The following CNTN4 variants were observed in gnomAD, a reference collection of about 807,000 sequenced individuals.
The protein encoded by CNTN4 is contactin 4.
A neutral mutation model predicts 122.5 loss-of-function variants in CNTN4; 77 were observed. The observed-to-expected ratio is 0.63, with a 90% CI of 0.52 to 0.76. The LOEUF (loss-of-function observed/expected upper bound fraction) is 0.76. CNTN4 is among the 30% of genes least tolerant of loss of function. The pLI is 0.00. For missense variants in CNTN4, 1,256 were observed against 1,259.1 expected (o/e 1.00, Z 0.04); for synonymous variants, 512 against 447.0 (o/e 1.15, Z -1.83).
At chr3:2,509,301 A>G (rs1431610472) in intron 3 of CNTN4, among the ~76,000 whole-genome samples, 1 of 152,242 alleles carries the variant, frequency 6.6e-6, no homozygotes. Context: ...GCCTGATAAA[A>G]AATAACCAAC....
intron 4 of CNTN4, among the ~76,000 whole-genome samples, chr3:2,627,984 G>C (rs1433805721): frequency 6.6e-6 from 1 of 152,142 alleles, no homozygotes; most frequent in East Asian, 1.9e-4. Context: ...TTATCCTGGA[G>C]GTCACATTTT....
intron 3 of CNTN4, among the ~76,000 whole-genome samples, chr3:2,500,154 A>G (rs991962675): frequency 6.6e-6 from 1 of 152,068 alleles, no homozygotes; most frequent in African/African-American, 2.4e-5. Flanking sequence ...TGAATATTGG[A>G]CTTTAAAAGT....
chr3:2,706,967 A>G (rs571816118), intron 4 of CNTN4, among the ~76,000 whole-genome samples: 1 of 151,582 alleles, frequency 6.6e-6, no homozygotes, highest in South Asian at 2.1e-4. Context: ...GAAGCACTAG[A>G]TTATGTGTAT....
chr3:2,635,247 A>G (rs1454110796), intron 4 of CNTN4, among the ~76,000 whole-genome samples: 1 of 152,188 alleles, frequency 6.6e-6, no homozygotes, highest in Non-Finnish European at 1.5e-5. Flanking sequence ...CAATCTGACA[A>G]TCTCCAAAGA....
chr3:2,411,804 C>G (rs1054164967), intron 3 of CNTN4, among the ~76,000 whole-genome samples: 3 of 152,004 alleles, frequency 2.0e-5, no homozygotes, highest in African/African-American at 7.3e-5. Context: ...TGCTGTATTT[C>G]GAAGCATCGT....
intron 6 of CNTN4, among the ~76,000 whole-genome samples, chr3:2,763,515 AGTTGCAATTGCTTTT>A (rs2090694608): frequency 6.6e-6 from 1 of 152,048 alleles, no homozygotes; most frequent in Admixed American, 6.6e-5. Context: ...TTTTTGCTTT[AGTTGCAATTGCTTTT>A]GTTGTCTTTG....
chr3:2,688,960 T>C (rs1196084098), intron 4 of CNTN4, among the ~76,000 whole-genome samples: 3 of 152,160 alleles, frequency 2.0e-5, no homozygotes, highest in Non-Finnish European at 4.4e-5. Context: ...AGAGGTCTAA[T>C]GTAGCACCTG....
chr3:2,443,525 TGTAAC>T (rs1455838043), intron 3 of CNTN4, among the ~76,000 whole-genome samples: 3 of 152,228 alleles, frequency 2.0e-5, no homozygotes, highest in Admixed American at 6.5e-5. Flanking sequence ...GATGGCCTCT[TGTAAC>T]GTACATATTG....
rs544000598 is a variant in CNTN4, at chr3:2,703,460, C to G, written c.56-32755C>G. Reference sequence around the variant, plus strand: ...TTAGTTGGAGGGTATAATTATTATTCTTTTTTAACTTAAAATCAAATCTCA... The same window carrying G: ...TTAGTTGGAGGGTATAATTATTATTGTTTTTTAACTTAAAATCAAATCTCA... On this transcript the variant is annotated intron_variant, in intron 4 of 24. Transcript: ENST00000418658. Among the ~76,000 whole-genome samples the G allele has an allele frequency of 2.0e-5, 3 of 152,106 alleles. No homozygotes were observed. In the South Asian group the frequency reaches 6.2e-4, roughly 32 times the overall value.
At position 2,402,439 on chromosome 3, in the gene CNTN4, A is replaced by C. The variant is rs116598375; in HGVS notation, c.-89+63206A>C. 8.0e-3 allele frequency among the ~76,000 whole-genome samples: 1,225 copies of C among 152,206 alleles called. 10 individuals are homozygous for C. The highest frequency in any genetic ancestry group is 0.021 in the African/African-American group (875 of 41,528). On this transcript the variant is annotated intron_variant, in intron 3 of 24. Transcript: ENST00000418658. The stretch of plus-strand genomic sequence containing the variant: ...TATTATGAATTCATAGTAGTCGTAC[A>C]TATTAAAGGGGTACATGGGATATTT...
At chr3:2,919,210 G>C (rs1242298522) in intron 12 of CNTN4, among the ~76,000 whole-genome samples, 1 of 143,878 alleles carries the variant, frequency 7.0e-6, no homozygotes, top group East Asian at 2.0e-4. Flanking sequence ...AAAATTGCCA[G>C]GTGTGGTGGC....
chr3:2,827,840 T>A (rs1361173544), intron 7 of CNTN4, among the ~76,000 whole-genome samples: 1 of 152,220 alleles, frequency 6.6e-6, no homozygotes, highest in African/African-American at 2.4e-5. Flanking sequence ...TTAAAAATAC[T>A]GCTGAAATAA....
intron 3 of CNTN4, among the ~76,000 whole-genome samples, chr3:2,510,617 C>G (rs2076859084): frequency 6.6e-6 from 1 of 152,090 alleles, no homozygotes; most frequent in African/African-American, 2.4e-5. Context: ...CCCAGACTTG[C>G]TTAACTAAGG....
At chr3:2,445,475 T>C (rs529630947) in intron 3 of CNTN4, among the ~76,000 whole-genome samples, 1 of 152,304 alleles carries the variant, frequency 6.6e-6, no homozygotes, top group South Asian at 2.1e-4. Flanking sequence ...GTAGTCCTCT[T>C]TGAAAATATT....
At chr3:2,630,872 C>T (rs1004037984) in intron 4 of CNTN4, among the ~76,000 whole-genome samples, 3 of 152,116 alleles carry the variant, frequency 2.0e-5, no homozygotes, top group African/African-American at 7.2e-5. Flanking sequence ...TGGGTGAAGA[C>T]AGGCATTGTC....
rs376367165 is a variant in CNTN4, at chr3:2,152,992, C to T, written c.-145+52353C>T. On this transcript the variant is annotated intron_variant, in intron 2 of 24. Coordinates refer to ENST00000418658, the MANE Select transcript of CNTN4 (RefSeq NM_175607.3). ...GAAGGAGGGCTGCCCATGGAGCCTGCTTTAGATTACCAGACCCTACAGAAT... is the reference window on the plus strand; with the variant it reads ...GAAGGAGGGCTGCCCATGGAGCCTGTTTTAGATTACCAGACCCTACAGAAT... Among the ~76,000 whole-genome samples, 20 of 152,284 alleles carry T rather than the reference C, an allele frequency of 1.3e-4. No homozygotes were observed. In the East Asian group the frequency reaches 3.7e-3, roughly 28 times the overall value.
intron 3 of CNTN4, among the ~76,000 whole-genome samples, chr3:2,570,951 T>C (rs919125907): frequency 3.9e-5 from 6 of 152,142 alleles, no homozygotes; most frequent in Admixed American, 2.0e-4. Context: ...GTTAATGGGG[T>C]AGTCACCATT....
intron 2 of CNTN4, among the ~76,000 whole-genome samples, chr3:2,215,668 G>A (rs1322442671): frequency 6.6e-6 from 1 of 152,020 alleles, no homozygotes; most frequent in Non-Finnish European, 1.5e-5. Context: ...GGATCATGAG[G>A]TCAGGAGATC....
At chr3:2,471,558 A>C (rs2075684257) in intron 3 of CNTN4, among the ~76,000 whole-genome samples, 1 of 152,174 alleles carries the variant, frequency 6.6e-6, no homozygotes, top group Non-Finnish European at 1.5e-5. Flanking sequence ...GAAATAGTTA[A>C]TTCAAGGAAT....
Sources: gnomAD v4.1 joint callset for allele counts (sites outside exome capture counted in the v4.1 genomes callset) on GRCh38, gnomAD v4.1.1 for gene constraint, MANE v1.5 for transcripts, NCBI Gene and HGNC (gene_info 2026-07-23, HGNC 2026-07-21) for gene names.